PTPRF: variants seen among roughly 807,000 people sequenced by gnomAD.
PTPRF encodes protein tyrosine phosphatase receptor type F, also known as receptor-type tyrosine-protein phosphatase F.
In PTPRF, 59 loss-of-function variants were observed where a neutral mutation model predicts 201.8. The ratio of observed to expected loss-of-function variants is 0.29; its 90% CI spans 0.24 to 0.36. PTPRF has a LOEUF of 0.36. PTPRF is among the 10% of genes least tolerant of loss of function. The pLI, the probability that PTPRF is intolerant of heterozygous loss-of-function variation, is 1.00. For missense variants in PTPRF, 2,132 were observed against 2,690.5 expected (o/e 0.79, Z 4.59); for synonymous variants, 1,088 against 1,089.7 (o/e 1.00, Z 0.03).
intron 21 of PTPRF, 35 bp downstream of exon 21, chr1:43,607,003 C>G: frequency 6.2e-7 from 1 of 1,607,200 alleles, no homozygotes; most frequent in African/African-American, 1.3e-5. Context: ...GGAACGGCCA[C>G]CTGCCCCTCG....
chr1:43,544,387 G>A (rs753221343), intron 2 of PTPRF, among the ~76,000 whole-genome samples: 8 of 152,220 alleles, frequency 5.3e-5, no homozygotes, highest in African/African-American at 9.6e-5. Flanking sequence ...TCAAGAGCAC[G>A]TCCTGGTGAG....
At chr1:43,576,739 G>A (rs552884130) in intron 6 of PTPRF, among the ~76,000 whole-genome samples, 1 of 152,346 alleles carries the variant, frequency 6.6e-6, no homozygotes, top group Admixed American at 6.5e-5. Flanking sequence ...AGAGGAGGAT[G>A]TGTAGTGTCT....
Position 43,606,871 on chromosome 1 carries a change from C to A in PTPRF, c.3760C>A (p.Gln1254Lys). Residue 1254 changes from glutamine to lysine, a missense_variant, in exon 21 of 34, where the codon CAG (glutamine) becomes AAG (lysine). This residue lies in a region of PTPRF where 818 missense variants were observed against 915.3 expected (regional missense o/e 0.89). Coordinates refer to ENST00000359947, the MANE Select transcript of PTPRF (RefSeq NM_002840.5). ...DEIVVQVTPA[Q>K]QQEEPEMLWV... ...GATCGTGGTCCAGGTGACACCAGCC[C>A]AGCAGCAGGAGGAGCCGGAGATGCT... The A allele has an allele frequency of 6.2e-7, 1 of 1,614,170 alleles. No individual in the cohort carries two copies. The highest frequency in any genetic ancestry group is 1.1e-5 in the South Asian group (1 of 91,084).
intron 12 of PTPRF, chr1:43,598,513 TG>T: frequency 1.8e-6 from 1 of 562,734 alleles, no homozygotes; most frequent in Non-Finnish European, 3.1e-6. Context: ...GCCAGAGGGG[TG>T]GGCAGGGCCA....
At chr1:43,529,894 C>T (rs1306112974), upstream of PTPRF, among the ~76,000 whole-genome samples, 5 of 152,106 alleles carry the variant, frequency 3.3e-5, no homozygotes, top group Non-Finnish European at 7.4e-5. Flanking sequence ...ATTTAGAGGG[C>T]ATTATCATGT....
chr1:43,595,157 A>T (rs573968860), intron 11 of PTPRF, among the ~76,000 whole-genome samples: 2 of 152,282 alleles, frequency 1.3e-5, no homozygotes, highest in Admixed American at 6.5e-5. Flanking sequence ...GGGGACCACT[A>T]TGGCTAGAGA....
Position 43,609,427 on chromosome 1 carries a change from G to T in PTPRF, c.3902G>T (p.Gly1301Val), listed in dbSNP as rs760628972. ...TCCTCTAAGGATGAGCAGTCGATCG[G>T]ACTGAAGGACTCCTTGCTGGCCCAC... is the stretch of plus-strand genomic sequence containing the variant. The part of the protein sequence containing the change: ...SPSSKDEQSI[G>V]LKDSLLAHSS... Residue 1301 changes from glycine to valine, a missense_variant, in exon 22 of 34, where the codon GGA becomes GTA. Physicochemically the swap from Gly to Val is moderately radical, Grantham distance 109. Coordinates refer to ENST00000359947, the MANE Select transcript of PTPRF (RefSeq NM_002840.5). 1.2e-6 allele frequency: 2 copies of T among 1,614,108 alleles called. No individual in the cohort carries two copies. Among genetic ancestry groups the T allele is most frequent in the South Asian group, 1.1e-5 (1 of 91,070 alleles).
chr1:43,544,750 T>A (rs911164019), intron 2 of PTPRF, among the ~76,000 whole-genome samples: 1 of 152,192 alleles, frequency 6.6e-6, no homozygotes, highest in African/African-American at 2.4e-5. Flanking sequence ...CTGTACCTCC[T>A]ACTCAGGTTT....
chr1:43,604,297 GTGT>G, intron 16 of PTPRF, 108 bp downstream of exon 16: 1 of 1,152,980 alleles, frequency 8.7e-7, no homozygotes, highest in Non-Finnish European at 1.2e-6. Flanking sequence ...AGCCTCTGGT[GTGT>G]GACCTCCAAT....
chr1:43,575,830 G>T, intron 6 of PTPRF: 1 of 1,246,232 alleles, frequency 8.0e-7, no homozygotes. Flanking sequence ...TATTTTACCT[G>T]ATTTGGCTTT....
intron 6 of PTPRF, among the ~76,000 whole-genome samples, chr1:43,570,884 G>A (rs1379810626): frequency 4.6e-5 from 7 of 152,214 alleles, no homozygotes; most frequent in African/African-American, 1.7e-4. Context: ...GCAAACGGCC[G>A]GCAGTGTTTG....
At chr1:43,602,184 C>A (rs1332563008) in intron 14 of PTPRF, 87 bp downstream of exon 14, 3 of 1,498,070 alleles carry the variant, frequency 2.0e-6, no homozygotes, top group East Asian at 2.3e-5. Flanking sequence ...TCCTGCTAGC[C>A]TGCACTGCCA....
chr1:43,600,439 C>G (rs1305051270), intron 13 of PTPRF, among the ~76,000 whole-genome samples: 1 of 150,932 alleles, frequency 6.6e-6, no homozygotes, highest in African/African-American at 2.5e-5. Flanking sequence ...CCGGAGGACA[C>G]TGAAGATGGA....
chr1:43,603,824 G>T lies in PTPRF; in HGVS notation c.2672G>T (p.Arg891Leu), dbSNP rs199570599. 73 of 1,614,010 alleles carry T rather than the reference G, an allele frequency of 4.5e-5. 2 individuals carry two copies. Among genetic ancestry groups the T allele is most frequent in the Non-Finnish European group, 5.2e-5 (61 of 1,180,040 alleles). Reference sequence around the variant, plus strand: ...CACAAGGGGACCACCTACATCTTCCGGCTTGCTGCCAAGAACCGGGCTGGC... The same window carrying T: ...CACAAGGGGACCACCTACATCTTCCTGCTTGCTGCCAAGAACCGGGCTGGC... ...GLHKGTTYIF[R>L]LAAKNRAGLG... is the part of the protein sequence containing the mutation. The change falls in exon 16 of 34, where the codon CGG (arginine) becomes CTG (leucine). Residue 891 changes from arginine (R) to leucine (L), a missense_variant. Physicochemically the swap from Arg to Leu is moderately radical, Grantham distance 102. This residue lies in a region of PTPRF where 818 missense variants were observed against 915.3 expected (regional missense o/e 0.89). Transcript: ENST00000359947. The surrounding 1 kb of genome is among the most constrained non-coding windows in gnomAD (Gnocchi z 5.8).
At chr1:43,527,685 C>T (rs561772083), upstream of PTPRF, among the ~76,000 whole-genome samples, 1 of 152,336 alleles carries the variant, frequency 6.6e-6, no homozygotes, top group South Asian at 2.1e-4. Flanking sequence ...GGTCCCAGCT[C>T]ACCTACCTTC....
chr1:43,612,868 T>A, intron 22 of PTPRF: 1 of 1,249,130 alleles, frequency 8.0e-7, no homozygotes, highest in Non-Finnish European at 1.1e-6. Flanking sequence ...CTCCTTACTT[T>A]TGTTTACCCC....
At chr1:43,598,323 G>A in intron 12 of PTPRF, 1 of 483,990 alleles carries the variant, frequency 2.1e-6, no homozygotes, top group South Asian at 4.5e-5. Flanking sequence ...AGATTGGGCA[G>A]ATTGGTGTAA....
At chr1:43,568,585 T>C (rs2153986412) in intron 5 of PTPRF, among the ~76,000 whole-genome samples, 1 of 152,332 alleles carries the variant, frequency 6.6e-6, no homozygotes, top group East Asian at 1.9e-4. Context: ...ATGAGTAACA[T>C]GCCAGGCCCT....
In PTPRF at chr1:43,591,108, C is replaced by T. The variant is rs140096269; in HGVS notation, c.1086C>T (p.Pro362=). 72 of 1,613,748 alleles carry T rather than the reference C, an allele frequency of 4.5e-5. No individual in the cohort carries two copies. Among genetic ancestry groups the T allele is most frequent in the Middle Eastern group, 1.6e-4 (1 of 6,084 alleles). The change falls in exon 9 of 34, where the codon CCC becomes CCT. Residue 362 remains proline, a synonymous_variant. Transcript: ENST00000359947. ...ACCGCGCAGCGGGCACGGAGGGCCCCTTTCAGGAGGTGGATGGTGTGGCCA... is the reference window on the plus strand; with the variant it reads ...ACCGCGCAGCGGGCACGGAGGGCCCTTTTCAGGAGGTGGATGGTGTGGCCA... ...IQYRAAGTEG[P]FQEVDGVATT...
Sources: allele counts gnomAD v4.1 joint callset (sites outside exome capture counted in the v4.1 genomes callset), GRCh38; gene constraint gnomAD v4.1.1; regional missense constraint gnomAD v4.1.1; non-coding constraint Gnocchi (gnomAD v3.1); transcripts MANE v1.5; gene names NCBI Gene and HGNC (gene_info 2026-07-23, HGNC 2026-07-21).